Variants in ACAN observed in about 807,000 individuals in gnomAD.
The protein encoded by ACAN is aggrecan core protein.
ACAN carries 47 observed loss-of-function variants against 169.1 expected under a neutral mutation model. The observed-to-expected ratio is 0.28, with a 90% CI of 0.22 to 0.35. The LOEUF is 0.35. ACAN is among the 10% of genes least tolerant of loss of function. ACAN has a pLI of 1.00. For missense variants in ACAN, 2,716 were observed against 2,759.9 expected, an observed-to-expected ratio of 0.98 and a Z score of 0.36; for synonymous variants, 1,115 against 1,112.2, an observed-to-expected ratio of 1.00 and a Z score of -0.05.
rs1596147405 is a variant in ACAN at position 88,858,366 on chromosome 15, T to G, written c.5781T>G (p.Thr1927=). The change falls in exon 12 of 19, where the codon ACT becomes ACG. Residue 1927 remains threonine (T), a synonymous_variant. Transcript: ENST00000560601. The surrounding 1 kb of genome is among the most constrained non-coding windows in gnomAD (Gnocchi z 4.0). ...LPSGAYYGSG[T]PSSFPTVSLV... ...CGGGAGCATATTATGGCAGTGGAAC[T>G]CCATCTAGTTTCCCCACTGTCTCTC... 6.2e-7 allele frequency: 1 copy of G among 1,613,906 alleles called. No individual in the cohort carries two copies. The highest frequency in any genetic ancestry group is 8.5e-7 in the Non-Finnish European group (1 of 1,179,888).
chr15:88,839,302 C>T lies in ACAN; in HGVS notation c.454+256C>T, dbSNP rs1006730190. Among the ~76,000 whole-genome samples the T allele has an allele frequency of 6.6e-6, 1 of 152,204 alleles. No homozygotes were observed. Among genetic ancestry groups the T allele is most frequent in the South Asian group, 2.1e-4 (1 of 4,828 alleles). On this transcript the variant is annotated intron_variant, in intron 3 of 18. Transcript: ENST00000560601. This position sits in a 1 kb window ranked among gnomAD's most constrained non-coding sequence, Gnocchi z 4.5. Reference sequence around the variant, plus strand: ...TGTGCTTCCCAAGAATCCTGTGATCCGGTGGGTCTTGTGATCGTGCCCATT... The same window carrying T: ...TGTGCTTCCCAAGAATCCTGTGATCTGGTGGGTCTTGTGATCGTGCCCATT...
chr15:88,862,366 G>A (rs781302074), intron 13 of ACAN, among the ~76,000 whole-genome samples: 4 of 152,344 alleles, frequency 2.6e-5, no homozygotes, highest in Non-Finnish European at 5.9e-5. Context: ...CGACTCCAAT[G>A]TGCAGCCAGG....
intron 4 of ACAN, among the ~76,000 whole-genome samples, chr15:88,840,894 C>T (rs1896636172): frequency 1.3e-5 from 2 of 152,174 alleles, no homozygotes; most frequent in Non-Finnish European, 2.9e-5. Flanking sequence ...CCTGTAATCC[C>T]AGCACTTTGG....
Position 88,857,313 on chromosome 15 carries a change from A to C in ACAN, c.4728A>C (p.Leu1576=). Residue 1576 remains leucine, a synonymous_variant, in exon 12 of 19, where the codon CTA becomes CTC. Coordinates refer to ENST00000560601, the MANE Select transcript of ACAN (RefSeq NM_001369268.1). ...GGCTTCCTTCTGGAAGGGAGGGTCTAGAGACTTCAGCTTCTGGAGCTGAGG... is the reference window on the plus strand; with the variant it reads ...GGCTTCCTTCTGGAAGGGAGGGTCTCGAGACTTCAGCTTCTGGAGCTGAGG... ...LSGLPSGREG[L]ETSASGAEDL... 4.3e-6 allele frequency: 7 copies of C among 1,613,904 alleles called. No individual in the cohort carries two copies. The highest frequency in any genetic ancestry group is 5.9e-6 in the Non-Finnish European group (7 of 1,179,888).
intron 1 of ACAN, among the ~76,000 whole-genome samples, chr15:88,808,918 A>T (rs1381844822): frequency 6.6e-6 from 1 of 152,166 alleles, no homozygotes; most frequent in Non-Finnish European, 1.5e-5. Flanking sequence ...CCGAGCCCCC[A>T]TGGTAAATTA....
At chr15:88,820,190 G>A (rs2141514368) in intron 1 of ACAN, among the ~76,000 whole-genome samples, 1 of 152,298 alleles carries the variant, frequency 6.6e-6, no homozygotes, top group South Asian at 2.1e-4. Context: ...GCTCACAGAT[G>A]AGTTATAGAC....
At chr15:88,859,472 A>C in intron 12 of ACAN, 55 bp downstream of exon 12, 2 of 1,550,094 alleles carry the variant, frequency 1.3e-6, no homozygotes, top group Non-Finnish European at 1.7e-6. Flanking sequence ...ACTGTAGCCT[A>C]CTGCAGCACA....
At chr15:88,828,772 T>A (rs561510216) in intron 1 of ACAN, among the ~76,000 whole-genome samples, 1 of 152,138 alleles carries the variant, frequency 6.6e-6, no homozygotes, top group African/African-American at 2.4e-5. Context: ...ACTCCAGAGT[T>A]AATTCTCCCA....
At chr15:88,824,423 A>C (rs11636773) in intron 1 of ACAN, among the ~76,000 whole-genome samples, 48,223 of 152,120 alleles carry the variant, frequency 0.32, 8,812 homozygotes, top group East Asian at 0.6. Context: ...CATTCATTCA[A>C]CAAATACTTG....
chr15:88,862,755 T>C (rs1448861234), intron 13 of ACAN, among the ~76,000 whole-genome samples: 1 of 152,164 alleles, frequency 6.6e-6, no homozygotes, highest in Non-Finnish European at 1.5e-5. Flanking sequence ...CCCAGCACTT[T>C]GGGAGGCCAA....
At position 88,858,628 on chromosome 15, in the gene ACAN, A is replaced by G. The variant is rs1897120204; in HGVS notation, c.6043A>G (p.Ser2015Gly). Reference protein sequence around the residue: ...SGDFASTTNVSGESSVAMGTS... With the variant: ...SGDFASTTNVGGESSVAMGTS... ...GGATTTTGCCAGCACCACCAATGTA[A>G]GTGGAGAATCCTCTGTAGCCATGGG... The change falls in exon 12 of 19, where the codon AGT becomes GGT. Residue 2015 changes from serine to glycine, a missense_variant. This residue lies in a region of ACAN where 1,389 missense variants were observed against 1,363.7 expected (regional missense o/e 1.02). Coordinates refer to ENST00000560601, the MANE Select transcript of ACAN (RefSeq NM_001369268.1). The surrounding 1 kb of genome is among the most constrained non-coding windows in gnomAD (Gnocchi z 4.0). The G allele has an allele frequency of 4.3e-6, 7 of 1,613,822 alleles. No individual in the cohort carries two copies. Among genetic ancestry groups the G allele is most frequent in the Non-Finnish European group, 5.9e-6 (7 of 1,179,896 alleles).
chr15:88,860,551 G>A, intron 13 of ACAN, 112 bp downstream of exon 13: 1 of 807,438 alleles, frequency 1.2e-6, no homozygotes, highest in Non-Finnish European at 2.1e-6. Context: ...TGAGGCTCAG[G>A]CTGGGAAGGA....
In ACAN at chr15:88,849,474, C is replaced by T; in HGVS notation, c.1769C>T (p.Thr590Ile). 1.2e-6 allele frequency: 2 copies of T among 1,605,254 alleles called. No individual in the cohort carries two copies. The highest frequency in any genetic ancestry group is 1.7e-6 in the Non-Finnish European group (2 of 1,174,420). Reference protein sequence around the residue: ...VFFATRLEQFTFQEALEFCES... With the variant: ...VFFATRLEQFIFQEALEFCES... ...TTCGCCACACGCCTTGAGCAGTTCACCTTCCAGGAAGCACTGGAGTTCTGT... is the reference window on the plus strand; with the variant it reads ...TTCGCCACACGCCTTGAGCAGTTCATCTTCCAGGAAGCACTGGAGTTCTGT... The change falls in exon 10 of 19, where the codon ACC (threonine) becomes ATC (isoleucine). Residue 590 changes from threonine to isoleucine, a missense_variant. Coordinates refer to ENST00000560601, the MANE Select transcript of ACAN (RefSeq NM_001369268.1). This position sits in a 1 kb window ranked among gnomAD's most constrained non-coding sequence, Gnocchi z 5.1.
At position 88,868,139 on chromosome 15, in the gene ACAN, C is replaced by T. The variant is rs1186158783; in HGVS notation, c.6947-77C>T. The T allele has an allele frequency of 7.5e-6, 5 of 665,820 alleles. No homozygotes were observed. The highest frequency in any genetic ancestry group is 5.4e-5 in the East Asian group (2 of 36,910). 41.2% of individuals were successfully genotyped at this position (665,820 alleles called of 1,614,324 possible). On this transcript the variant is annotated intron_variant, in intron 13 of 18. Transcript: ENST00000560601. This position sits in a 1 kb window ranked among gnomAD's most constrained non-coding sequence, Gnocchi z 5.2. ...GTCTGGAGAGCAGCAGGACTGGCCA[C>T]TCAAAAGGAGGCCACAGTGCTTGTG... is the stretch of plus-strand genomic sequence containing the variant.
At chr15:88,863,519 A>G (rs1897236986) in intron 13 of ACAN, among the ~76,000 whole-genome samples, 1 of 152,262 alleles carries the variant, frequency 6.6e-6, no homozygotes. Flanking sequence ...CTAATGTGCC[A>G]GCCAAGGATG....
At position 88,849,209 on chromosome 15, in the gene ACAN, A is replaced by C. The variant is rs1170916594; in HGVS notation, c.1733-229A>C. 6.6e-6 allele frequency among the ~76,000 whole-genome samples: 1 copy of C among 152,216 alleles called. No homozygotes were observed. The highest frequency in any genetic ancestry group is 1.9e-4 in the East Asian group (1 of 5,192). On this transcript the variant is annotated intron_variant, in intron 9 of 18. Coordinates refer to ENST00000560601, the MANE Select transcript of ACAN (RefSeq NM_001369268.1). The surrounding 1 kb of genome is among the most constrained non-coding windows in gnomAD (Gnocchi z 5.1). ...GGGAATTTTGCCTTTTTTGGCACCG[A>C]AAGTCCTATGTACCGGGAAACCCCA... is the stretch of plus-strand genomic sequence containing the variant.
intron 1 of ACAN, among the ~76,000 whole-genome samples, chr15:88,827,535 G>T (rs529341329): frequency 6.6e-6 from 1 of 151,936 alleles, no homozygotes; most frequent in Non-Finnish European, 1.5e-5. Context: ...ATTTAAATTC[G>T]ATATAGATGC....
intron 4 of ACAN, among the ~76,000 whole-genome samples, chr15:88,840,507 T>C (rs913681053): frequency 1.3e-5 from 2 of 152,350 alleles, no homozygotes; most frequent in Non-Finnish European, 2.9e-5. Flanking sequence ...TGTATTTTTA[T>C]AAACAAACTT....
chr15:88,868,251 G>A lies in ACAN; in HGVS notation c.6982G>A (p.Gly2328Arg), dbSNP rs1251114536. The change falls in exon 14 of 19, where the codon GGA becomes AGA. Residue 2328 changes from glycine (G) to arginine (R), a missense_variant. Gly to Arg is a moderately radical substitution (Grantham distance 125). Around this residue, in one of 3 missense-constraint regions of ACAN, gnomAD observed 1,389 missense variants for 1,363.7 expected, o/e 1.02. Transcript: ENST00000560601. This position sits in a 1 kb window ranked among gnomAD's most constrained non-coding sequence, Gnocchi z 5.2. ...GTGCCTCTCAAGCCCTTGTCTGAATGGAGCCACCTGCGTGGATGCCATCGA... is the reference window on the plus strand; with the variant it reads ...GTGCCTCTCAAGCCCTTGTCTGAATAGAGCCACCTGCGTGGATGCCATCGA... ...DECLSSPCLN[G>R]ATCVDAIDSF... 1.4e-6 allele frequency: 1 copy of A among 702,784 alleles called. No homozygotes were observed. The highest frequency in any genetic ancestry group is 2.6e-6 in the Non-Finnish European group (1 of 384,834). The allele number at this position is 702,784 out of a possible 1,614,324, so 43.5% of individuals were successfully genotyped here.
Sources: allele counts gnomAD v4.1 joint callset (sites outside exome capture counted in the v4.1 genomes callset), GRCh38; gene constraint gnomAD v4.1.1; regional missense constraint gnomAD v4.1.1; non-coding constraint Gnocchi (gnomAD v3.1); transcripts MANE v1.5; gene names NCBI Gene and HGNC (gene_info 2026-07-23, HGNC 2026-07-21).